H2BC14: variants seen among roughly 807,000 people sequenced by gnomAD.
H2BC14 encodes the protein histone H2B type 1-M.
In H2BC14, 17 loss-of-function variants were observed where a neutral mutation model predicts 6.3. That is an observed-to-expected ratio of 2.70 (90% CI 1.84 to 4.04). H2BC14 has a LOEUF of 4.04. Ranked by LOEUF, H2BC14 falls within the 30% of genes most tolerant of loss-of-function variation. The probability of loss-of-function intolerance (pLI) is 0.00; values close to 1 mark genes in which losing one functional copy is unlikely to be tolerated. For synonymous variants in H2BC14, 131 were observed against 69.0 expected, an observed-to-expected ratio of 1.90 and a Z score of -4.45; for missense variants, 235 against 165.1, an observed-to-expected ratio of 1.42 and a Z score of -2.32.
Position 27,815,170 on chromosome 6 carries a change from T to C in H2BC14, c.127T>C (p.Tyr43His). The change falls in exon 1 of 1, where the codon TAC becomes CAC. Residue 43 changes from tyrosine to histidine, a missense_variant. Coordinates refer to ENST00000621112, the MANE Select transcript of H2BC14 (RefSeq NM_003521.3). Reference protein sequence around the residue: ...SRKESYSVYVYKVLKQVHPDT... With the variant: ...SRKESYSVYVHKVLKQVHPDT... ...CAAGGAGAGCTACTCTGTGTATGTG[T>C]ACAAGGTGCTGAAGCAGGTCCACCC... 6.2e-7 allele frequency: 1 copy of C among 1,614,208 alleles called. No individual in the cohort carries two copies. Among genetic ancestry groups the C allele is most frequent in the Non-Finnish European group, 8.5e-7 (1 of 1,180,036 alleles).
rs746217716 is a variant in H2BC14, at chr6:27,815,039, C to T, written c.-5C>T. Reference sequence around the variant, plus strand: ...CTAAGGTTGTCTTTTATTTTGTTTTCCACCATGCCTGAACCAGTCAAATCT... The same window carrying T: ...CTAAGGTTGTCTTTTATTTTGTTTTTCACCATGCCTGAACCAGTCAAATCT... On this transcript the variant is annotated 5_prime_UTR_variant, in exon 1 of 1. Transcript: ENST00000621112. The T allele has an allele frequency of 6.3e-7, 1 of 1,580,280 alleles. No individual in the cohort carries two copies. Among genetic ancestry groups the T allele is most frequent in the East Asian group, 2.2e-5 (1 of 44,708 alleles).
Position 27,815,289 on chromosome 6 carries a change from G to T in H2BC14, c.246G>T (p.Ala82=), listed in dbSNP as rs759586803. Residue 82 remains alanine, a synonymous_variant, in exon 1 of 1, where the codon GCG becomes GCT. Coordinates refer to ENST00000621112, the MANE Select transcript of H2BC14 (RefSeq NM_003521.3). ...TCGCCGGAGAAGCGTCACGCCTGGC[G>T]CATTACAACAAGCGCTCGACCATCA... ...ERIAGEASRL[A]HYNKRSTITS... The T allele has an allele frequency of 6.2e-7, 1 of 1,614,222 alleles. No homozygotes were observed. Among genetic ancestry groups the T allele is most frequent in the Non-Finnish European group, 8.5e-7 (1 of 1,180,048 alleles).
At position 27,815,315 on chromosome 6, in the gene H2BC14, C is replaced by G. The variant is rs1760647378; in HGVS notation, c.272C>G (p.Thr91Ser). ...LAHYNKRSTI[T>S]SREIQTAVRL... is the part of the protein sequence containing the mutation. ...CATTACAACAAGCGCTCGACCATCA[C>G]TTCGAGGGAGATCCAGACGGCCGTG... Residue 91 changes from threonine (T) to serine (S), a missense_variant, in exon 1 of 1, where the codon ACT (threonine) becomes AGT (serine). Transcript: ENST00000621112. 17 of 1,614,256 alleles carry G rather than the reference C, an allele frequency of 1.1e-5. No homozygotes were observed. Among genetic ancestry groups the G allele is most frequent in the Non-Finnish European group, 1.4e-5 (17 of 1,180,056 alleles).
Position 27,815,075 on chromosome 6 carries a change from C to T in H2BC14, c.32C>T (p.Pro11Leu). The T allele has an allele frequency of 1.2e-6, 2 of 1,613,278 alleles. No homozygotes were observed. The highest frequency in any genetic ancestry group is 1.7e-6 in the Non-Finnish European group (2 of 1,179,576). Reference protein sequence around the residue: MPEPVKSAPVPKKGSKKAINK... With the variant: MPEPVKSAPVLKKGSKKAINK... ...GAACCAGTCAAATCTGCTCCAGTCC[C>T]TAAAAAAGGCTCCAAGAAGGCCATT... Residue 11 changes from proline (P) to leucine (L), a missense_variant, in exon 1 of 1, where the codon CCT becomes CTT. Transcript: ENST00000621112.
chr6:27,815,402 C>A lies in H2BC14; in HGVS notation c.359C>A (p.Thr120Asn). 2 of 1,614,144 alleles carry A rather than the reference C, an allele frequency of 1.2e-6. No individual in the cohort carries two copies. Among genetic ancestry groups the A allele is most frequent in the Non-Finnish European group, 1.7e-6 (2 of 1,180,036 alleles). ...GTGTCCGAGGGCACCAAGGCCGTCA[C>A]CAAGTATACCAGCTCCAAGTGAGCC... ...HAVSEGTKAVTKYTSSK is the reference protein window; with the variant it reads ...HAVSEGTKAVNKYTSSK Residue 120 changes from threonine (T) to asparagine (N), a missense_variant, in exon 1 of 1, where the codon ACC (threonine) becomes AAC (asparagine). Physicochemically the swap from Thr to Asn is moderately conservative, Grantham distance 65. Transcript: ENST00000621112.
At position 27,815,194 on chromosome 6, in the gene H2BC14, C is replaced by CTCGACA; in HGVS notation, c.151_152insTCGACA (p.Pro51delinsLeuAspThr). ...GTACAAGGTGCTGAAGCAGGTCCAC[C>CTCGACA]CCGACACCGGCATCTCTTCCAAGGC... is the stretch of plus-strand genomic sequence containing the variant. On this transcript the variant is annotated protein_altering_variant, in exon 1 of 1. Transcript: ENST00000621112. 2 of 1,614,230 alleles carry CTCGACA rather than the reference C, an allele frequency of 1.2e-6. No homozygotes were observed. The highest frequency in any genetic ancestry group is 1.7e-6 in the Non-Finnish European group (2 of 1,180,054).
In H2BC14 at chr6:27,815,060, A is replaced by G. The variant is rs1760638011; in HGVS notation, c.17A>G (p.Lys6Arg). 3.1e-6 allele frequency: 5 copies of G among 1,611,496 alleles called. No homozygotes were observed. The highest frequency in any genetic ancestry group is 4.5e-5 in the East Asian group (2 of 44,892). The change falls in exon 1 of 1, where the codon AAA (lysine) becomes AGA (arginine). Residue 6 changes from lysine (K) to arginine (R), a missense_variant. By Grantham distance (26) the Lys-to-Arg change is conservative. Transcript: ENST00000621112. MPEPV[K>R]SAPVPKKGSK... ...TTTTCCACCATGCCTGAACCAGTCA[A>G]ATCTGCTCCAGTCCCTAAAAAAGGC...
chr6:27,815,038 T>A lies in H2BC14; in HGVS notation c.-6T>A. On this transcript the variant is annotated 5_prime_UTR_variant, in exon 1 of 1. Transcript: ENST00000621112. ...CCTAAGGTTGTCTTTTATTTTGTTT[T>A]CCACCATGCCTGAACCAGTCAAATC... 1 of 1,579,852 alleles carries A rather than the reference T, an allele frequency of 6.3e-7. No homozygotes were observed. The highest frequency in any genetic ancestry group is 1.2e-5 in the South Asian group (1 of 86,058).
Position 27,815,024 on chromosome 6 carries a change from C to A in H2BC14, c.-20C>A. ...GAGGACGAAACAGCCCTAAGGTTGTCTTTTATTTTGTTTTCCACCATGCCT... is the reference window on the plus strand; with the variant it reads ...GAGGACGAAACAGCCCTAAGGTTGTATTTTATTTTGTTTTCCACCATGCCT... On this transcript the variant is annotated 5_prime_UTR_variant, in exon 1 of 1. Coordinates refer to ENST00000621112, the MANE Select transcript of H2BC14 (RefSeq NM_003521.3). 2 of 1,571,624 alleles carry A rather than the reference C, an allele frequency of 1.3e-6. No homozygotes were observed. The highest frequency in any genetic ancestry group is 1.2e-5 in the South Asian group (1 of 83,796).
rs1164548900 is a variant in H2BC14 at position 27,815,104 on chromosome 6, A to C, written c.61A>C (p.Lys21Gln). ...AAAAGGCTCCAAGAAGGCCATTAAC[A>C]AGGCTCAGAAGAAGGATGGAAAGAA... ...PKKGSKKAIN[K>Q]AQKKDGKKRK... Residue 21 changes from lysine (K) to glutamine (Q), a missense_variant, in exon 1 of 1, where the codon AAG (lysine) becomes CAG (glutamine). Coordinates refer to ENST00000621112, the MANE Select transcript of H2BC14 (RefSeq NM_003521.3). 1 of 1,614,162 alleles carries C rather than the reference A, an allele frequency of 6.2e-7. No individual in the cohort carries two copies. Among genetic ancestry groups the C allele is most frequent in the Non-Finnish European group, 8.5e-7 (1 of 1,180,014 alleles).
chr6:27,815,174 A>C lies in H2BC14; in HGVS notation c.131A>C (p.Lys44Thr). Reference protein sequence around the residue: ...RKESYSVYVYKVLKQVHPDTG... With the variant: ...RKESYSVYVYTVLKQVHPDTG... ...GAGAGCTACTCTGTGTATGTGTACA[A>C]GGTGCTGAAGCAGGTCCACCCCGAC... Residue 44 changes from lysine to threonine, a missense_variant, in exon 1 of 1, where the codon AAG becomes ACG. Physicochemically the swap from Lys to Thr is moderately conservative, Grantham distance 78 (BLOSUM62 -1). Coordinates refer to ENST00000621112, the MANE Select transcript of H2BC14 (RefSeq NM_003521.3). The C allele has an allele frequency of 6.2e-7, 1 of 1,614,236 alleles. No homozygotes were observed. The highest frequency in any genetic ancestry group is 2.2e-5 in the East Asian group (1 of 44,884).
chr6:27,815,289 G>A lies in H2BC14; in HGVS notation c.246G>A (p.Ala82=). ...TCGCCGGAGAAGCGTCACGCCTGGCGCATTACAACAAGCGCTCGACCATCA... is the reference window on the plus strand; with the variant it reads ...TCGCCGGAGAAGCGTCACGCCTGGCACATTACAACAAGCGCTCGACCATCA... The part of the protein sequence containing the change: ...ERIAGEASRL[A]HYNKRSTITS... Residue 82 remains alanine, a synonymous_variant, in exon 1 of 1, where the codon GCG becomes GCA. Coordinates refer to ENST00000621112, the MANE Select transcript of H2BC14 (RefSeq NM_003521.3). 6.2e-7 allele frequency: 1 copy of A among 1,614,222 alleles called. No individual in the cohort carries two copies. The highest frequency in any genetic ancestry group is 8.5e-7 in the Non-Finnish European group (1 of 1,180,048).
Position 27,815,411 on chromosome 6 carries a change from C to G in H2BC14, c.368C>G (p.Thr123Ser). ...GGCACCAAGGCCGTCACCAAGTATACCAGCTCCAAGTGAGCCTCTCGCTGC... is the reference window on the plus strand; with the variant it reads ...GGCACCAAGGCCGTCACCAAGTATAGCAGCTCCAAGTGAGCCTCTCGCTGC... Reference protein sequence around the residue: ...SEGTKAVTKYTSSK With the variant: ...SEGTKAVTKYSSSK Residue 123 changes from threonine to serine, a missense_variant, in exon 1 of 1, where the codon ACC becomes AGC. Coordinates refer to ENST00000621112, the MANE Select transcript of H2BC14 (RefSeq NM_003521.3). 1 of 1,614,110 alleles carries G rather than the reference C, an allele frequency of 6.2e-7. No individual in the cohort carries two copies. Among genetic ancestry groups the G allele is most frequent in the South Asian group, 1.1e-5 (1 of 91,078 alleles).
Position 27,815,144 on chromosome 6 carries a change from G to GC in H2BC14, c.102dup (p.Lys35GlnfsTer38), listed in dbSNP as rs1350381283. ...GATGGAAAGAAGCGCAAACGCAGCC[G>GC]CAAGGAGAGCTACTCTGTGTATGTG... On this transcript the variant is annotated frameshift_variant, in exon 1 of 1. Transcript: ENST00000621112. LOFTEE classifies it high-confidence loss of function. The GC allele has an allele frequency of 1.2e-6, 2 of 1,614,080 alleles. No homozygotes were observed. Among genetic ancestry groups the GC allele is most frequent in the South Asian group, 1.1e-5 (1 of 91,088 alleles).
Position 27,815,023 on chromosome 6 carries a change from T to C in H2BC14, c.-21T>C, listed in dbSNP as rs368189235. The stretch of plus-strand genomic sequence containing the variant: ...AGAGGACGAAACAGCCCTAAGGTTG[T>C]CTTTTATTTTGTTTTCCACCATGCC... On this transcript the variant is annotated 5_prime_UTR_variant, in exon 1 of 1. Transcript: ENST00000621112. The C allele has an allele frequency of 1.3e-6, 2 of 1,570,774 alleles. No individual in the cohort carries two copies. Among genetic ancestry groups the C allele is most frequent in the African/African-American group, 1.4e-5 (1 of 72,908 alleles).
Position 27,815,484 on chromosome 6 carries a change from C to T in H2BC14, c.*60C>T. 4.5e-6 allele frequency: 7 copies of T among 1,572,378 alleles called. No homozygotes were observed. The highest frequency in any genetic ancestry group is 6.0e-6 in the Non-Finnish European group (7 of 1,163,434). ...ACACCCCAAAGGCTCTTTTCAGAGC[C>T]GTCCACGTTTCTCAAGAAAGAGCCA... On this transcript the variant is annotated 3_prime_UTR_variant, in exon 1 of 1. Coordinates refer to ENST00000621112, the MANE Select transcript of H2BC14 (RefSeq NM_003521.3).
chr6:27,815,260 C>T lies in H2BC14; in HGVS notation c.217C>T (p.Arg73Cys), dbSNP rs1173650444. The stretch of plus-strand genomic sequence containing the variant: ...CTCCTTCGTCAACGACATCTTTGAG[C>T]GTATCGCCGGAGAAGCGTCACGCCT... ...MNSFVNDIFE[R>C]IAGEASRLAH... Residue 73 changes from arginine to cysteine, a missense_variant, in exon 1 of 1, where the codon CGT becomes TGT. Arg to Cys is a radical substitution (Grantham distance 180, BLOSUM62 -3). Coordinates refer to ENST00000621112, the MANE Select transcript of H2BC14 (RefSeq NM_003521.3). The T allele has an allele frequency of 6.2e-7, 1 of 1,614,108 alleles. No individual in the cohort carries two copies. Among genetic ancestry groups the T allele is most frequent in the Non-Finnish European group, 8.5e-7 (1 of 1,180,044 alleles).
Position 27,815,060 on chromosome 6 carries a change from A to C in H2BC14, c.17A>C (p.Lys6Thr). 6.2e-7 allele frequency: 1 copy of C among 1,611,614 alleles called. No homozygotes were observed. Among genetic ancestry groups the C allele is most frequent in the Non-Finnish European group, 8.5e-7 (1 of 1,178,744 alleles). Residue 6 changes from lysine (K) to threonine (T), a missense_variant, in exon 1 of 1, where the codon AAA becomes ACA. Lys to Thr is a moderately conservative substitution (Grantham distance 78, BLOSUM62 -1). Transcript: ENST00000621112. ...TTTTCCACCATGCCTGAACCAGTCAAATCTGCTCCAGTCCCTAAAAAAGGC... is the reference window on the plus strand; with the variant it reads ...TTTTCCACCATGCCTGAACCAGTCACATCTGCTCCAGTCCCTAAAAAAGGC... MPEPV[K>T]SAPVPKKGSK...
At position 27,815,321 on chromosome 6, in the gene H2BC14, G is replaced by A. The variant is rs777611004; in HGVS notation, c.278G>A (p.Arg93Lys). Residue 93 changes from arginine (R) to lysine (K), a missense_variant, in exon 1 of 1, where the codon AGG (arginine) becomes AAG (lysine). Physicochemically the swap from Arg to Lys is conservative, Grantham distance 26. Transcript: ENST00000621112. ...HYNKRSTITS[R>K]EIQTAVRLLL... ...AACAAGCGCTCGACCATCACTTCGAGGGAGATCCAGACGGCCGTGCGCCTA... is the reference window on the plus strand; with the variant it reads ...AACAAGCGCTCGACCATCACTTCGAAGGAGATCCAGACGGCCGTGCGCCTA... 5.0e-6 allele frequency: 8 copies of A among 1,614,228 alleles called. No homozygotes were observed. In the East Asian group the frequency reaches 1.6e-4, roughly 31 times the overall value.
Sources: gnomAD v4.1 joint callset for allele counts on GRCh38, gnomAD v4.1.1 for gene constraint, MANE v1.5 for transcripts, NCBI Gene and HGNC (gene_info 2026-07-23, HGNC 2026-07-21) for gene names.